The following BMPR2 variants were observed in gnomAD, a reference collection of about 807,000 sequenced individuals.
The protein encoded by BMPR2 is bone morphogenetic protein receptor type 2.
A neutral mutation model predicts 100.8 loss-of-function variants in BMPR2; 29 were observed. That is an observed-to-expected ratio of 0.29 (90% confidence interval 0.21 to 0.39). The LOEUF (loss-of-function observed/expected upper bound fraction) is 0.39, where lower values mean the gene tolerates loss of function less well. Ranked by LOEUF, BMPR2 falls within the 10% of genes least tolerant of loss-of-function variation. BMPR2 has a pLI of 1.00. For missense variants in BMPR2, 1,011 were observed against 1,274.5 expected (o/e 0.79, Z 3.15); for synonymous variants, 382 against 442.3 (o/e 0.86, Z 1.71).
intron 1 of BMPR2, among the ~76,000 whole-genome samples, chr2:202,399,704 A>C (rs2105909541): frequency 6.6e-6 from 1 of 152,344 alleles, no homozygotes; most frequent in African/African-American, 2.4e-5. Context: ...GGCCAAGGGT[A>C]GTGGCAGGTT....
chr2:202,546,219 G>A (rs1688372826), intron 10 of BMPR2, among the ~76,000 whole-genome samples: 1 of 152,170 alleles, frequency 6.6e-6, no homozygotes, highest in Non-Finnish European at 1.5e-5. Flanking sequence ...CTAGAGTTAG[G>A]TAGCAAGTAC....
intron 7 of BMPR2, among the ~76,000 whole-genome samples, chr2:202,528,245 T>C (rs1167808027): frequency 6.6e-6 from 1 of 152,152 alleles, no homozygotes; most frequent in Non-Finnish European, 1.5e-5. Flanking sequence ...TGTAGTACAA[T>C]GGCGTGATCT....
intron 1 of BMPR2, among the ~76,000 whole-genome samples, chr2:202,385,900 C>G (rs1464062019): frequency 6.6e-6 from 1 of 152,104 alleles, no homozygotes; most frequent in Non-Finnish European, 1.5e-5. Context: ...ATATTTAATA[C>G]TTCTGTGCGT....
chr2:202,520,760 C>T (rs999096786), intron 7 of BMPR2: 61 of 155,700 alleles, frequency 3.9e-4, no homozygotes, highest in Admixed American at 6.4e-4. Flanking sequence ...CGAGGTTGTA[C>T]GTCCGAAGCC....
chr2:202,415,949 G>A (rs1192856642), intron 1 of BMPR2, among the ~76,000 whole-genome samples: 1 of 152,150 alleles, frequency 6.6e-6, no homozygotes, highest in African/African-American at 2.4e-5. Flanking sequence ...TATTTCATAG[G>A]CTATAGCTGC....
chr2:202,505,643 G>A (rs1687506127), intron 3 of BMPR2, among the ~76,000 whole-genome samples: 1 of 152,032 alleles, frequency 6.6e-6, no homozygotes, highest in African/African-American at 2.4e-5. Context: ...TCCTCCTTTG[G>A]CTGGAGCTTG....
At chr2:202,381,480 A>G (rs1202423076) in intron 1 of BMPR2, among the ~76,000 whole-genome samples, 1 of 152,242 alleles carries the variant, frequency 6.6e-6, no homozygotes, top group Non-Finnish European at 1.5e-5. Context: ...CAACCCTACC[A>G]GCACATTTCC....
chr2:202,534,272 A>T lies in BMPR2; in HGVS notation c.1276+1540A>T, dbSNP rs948375047. On this transcript the variant is annotated intron_variant, in intron 9 of 12. Transcript: ENST00000374580. ...TATTTATTTATTTATTTATTTATTT[A>T]TTTTTTATTGATAATTCTTGGGTGT... 5.5e-5 allele frequency among the ~76,000 whole-genome samples: 8 copies of T among 145,474 alleles called. No homozygotes were observed. In the South Asian group the frequency reaches 8.4e-4, roughly 15 times the overall value.
intron 9 of BMPR2, among the ~76,000 whole-genome samples, chr2:202,537,607 C>T (rs1192864871): frequency 6.6e-6 from 1 of 151,706 alleles, no homozygotes; most frequent in African/African-American, 2.4e-5. Context: ...AATGGTTGTA[C>T]AATAGTGTGA....
intron 1 of BMPR2, among the ~76,000 whole-genome samples, chr2:202,423,742 A>C (rs1028131739): frequency 6.6e-6 from 1 of 151,932 alleles, no homozygotes; most frequent in Admixed American, 6.6e-5. Flanking sequence ...CAATAGCATA[A>C]GACCTCCTCT....
At chr2:202,406,739 A>C (rs923986494) in intron 1 of BMPR2, among the ~76,000 whole-genome samples, 1 of 152,138 alleles carries the variant, frequency 6.6e-6, no homozygotes, top group African/African-American at 2.4e-5. Context: ...TTAGGCACAC[A>C]CTAGAGGCTG....
rs531049147 is a variant in BMPR2 at position 202,446,638 on chromosome 2, G to C, written c.77-18171G>C. Among the ~76,000 whole-genome samples, 144 of 148,748 alleles carry C rather than the reference G, an allele frequency of 9.7e-4. 12 individuals are homozygous for C. The highest frequency in any genetic ancestry group is 3.5e-3 in the African/African-American group (136 of 38,724). Reference sequence around the variant, plus strand: ...GTCTGTAGACCCTTTTTGTGCCCATGTGCACACACTCACATACATTTTTTT... The same window carrying C: ...GTCTGTAGACCCTTTTTGTGCCCATCTGCACACACTCACATACATTTTTTT... On this transcript the variant is annotated intron_variant, in intron 1 of 12. Coordinates refer to ENST00000374580, the MANE Select transcript of BMPR2 (RefSeq NM_001204.7).
chr2:202,434,900 AAAAAAAAAATATATAT>A (rs1691577977), intron 1 of BMPR2, among the ~76,000 whole-genome samples: 2 of 57,544 alleles, frequency 3.5e-5, no homozygotes, highest in East Asian at 4.6e-4. Flanking sequence ...AAAAAAAAAA[AAAAAAAAAATATATAT>A]ATATATATAT....
intron 3 of BMPR2, among the ~76,000 whole-genome samples, chr2:202,490,160 T>C (rs1300621122): frequency 6.6e-6 from 1 of 152,202 alleles, no homozygotes; most frequent in Admixed American, 6.5e-5. Context: ...CAGCTTCTCA[T>C]TGGTCTGATC....
At chr2:202,458,881 C>T (rs1000816783) in intron 1 of BMPR2, among the ~76,000 whole-genome samples, 3 of 152,114 alleles carry the variant, frequency 2.0e-5, no homozygotes, top group African/African-American at 7.2e-5. Context: ...AGCTGTTCTT[C>T]ATAATTGTGT....
At chr2:202,478,986 A>G (rs1411570326) in intron 3 of BMPR2, among the ~76,000 whole-genome samples, 4 of 152,164 alleles carry the variant, frequency 2.6e-5, no homozygotes, top group African/African-American at 9.7e-5. Flanking sequence ...TGTGGTAGGC[A>G]GCTTCTGACA....
intron 1 of BMPR2, among the ~76,000 whole-genome samples, chr2:202,429,089 T>G (rs777315939): frequency 6.6e-6 from 1 of 152,204 alleles, no homozygotes; most frequent in Non-Finnish European, 1.5e-5. Flanking sequence ...CCTTTCTTGT[T>G]TTCCTCTGCT....
chr2:202,496,715 T>C (rs1054906786), intron 3 of BMPR2, among the ~76,000 whole-genome samples: 2 of 152,200 alleles, frequency 1.3e-5, no homozygotes, highest in Non-Finnish European at 1.5e-5. Flanking sequence ...GAAAAAATAA[T>C]GTTCAGAACT....
chr2:202,500,637 G>C (rs995240323), intron 3 of BMPR2, among the ~76,000 whole-genome samples: 26 of 152,310 alleles, frequency 1.7e-4, no homozygotes, highest in African/African-American at 6.0e-4. Flanking sequence ...AAAGCTCAAG[G>C]CTTAGTAAGG....
Sources: allele counts gnomAD v4.1 joint callset (sites outside exome capture counted in the v4.1 genomes callset), GRCh38; gene constraint gnomAD v4.1.1; transcripts MANE v1.5; gene names NCBI Gene and HGNC (gene_info 2026-07-23, HGNC 2026-07-21).